KCNMB2: variants seen among roughly 807,000 people sequenced by gnomAD.
KCNMB2 encodes calcium-activated potassium channel subunit beta-2.
Under a neutral mutation model 24.5 loss-of-function variants are expected in KCNMB2, and 9 were observed. The observed-to-expected ratio is 0.37, with a 90% CI of 0.22 to 0.64. The LOEUF is 0.64. Ranked by LOEUF, KCNMB2 falls within the 30% of genes least tolerant of loss-of-function variation. KCNMB2 has a pLI of 0.63. For missense variants in KCNMB2, 226 were observed against 284.3 expected, an observed-to-expected ratio of 0.79 and a Z score of 1.47; for synonymous variants, 109 against 104.4, an observed-to-expected ratio of 1.04 and a Z score of -0.27.
chr3:178,700,632 C>A (rs925826914), intron 1 of KCNMB2, among the ~76,000 whole-genome samples: 1 of 152,162 alleles, frequency 6.6e-6, no homozygotes, highest in African/African-American at 2.4e-5. Flanking sequence ...TCCTCCCATG[C>A]CTAATATGAC....
At chr3:178,663,700 TA>T (rs1177445470) in intron 1 of KCNMB2, among the ~76,000 whole-genome samples, 1 of 152,116 alleles carries the variant, frequency 6.6e-6, no homozygotes, top group Admixed American at 6.6e-5. Flanking sequence ...ACCAATGCAT[TA>T]AAAGACAACA....
intron 1 of KCNMB2, among the ~76,000 whole-genome samples, chr3:178,624,435 T>C (rs911103376): frequency 2.6e-5 from 4 of 152,096 alleles, no homozygotes; most frequent in African/African-American, 9.7e-5. Context: ...AAATGTGTAA[T>C]GTTGCATAAA....
intron 1 of KCNMB2, among the ~76,000 whole-genome samples, chr3:178,752,144 C>T (rs4260410): frequency 0.31 from 47,743 of 151,994 alleles, 7,674 homozygotes; most frequent in African/African-American, 0.34. Context: ...GAATTATTTT[C>T]TAAAGTTCGA....
Position 178,752,482 on chromosome 3 carries a change from G to C in KCNMB2, c.-67-54861G>C, listed in dbSNP as rs1335890233. ...GAAATGGTGTCCAAGGAGCAGGTTG[G>C]GACCACATTGTGGAGTGAGTTTATG... On this transcript the variant is annotated intron_variant, in intron 1 of 4. Coordinates refer to ENST00000452583, the MANE Select transcript of KCNMB2 (RefSeq NM_181361.3). 2.0e-4 allele frequency among the ~76,000 whole-genome samples: 30 copies of C among 152,260 alleles called. 1 individual carries two copies. The highest frequency in any genetic ancestry group is 5.9e-5 in the Non-Finnish European group (4 of 68,010).
intron 1 of KCNMB2, among the ~76,000 whole-genome samples, chr3:178,735,534 G>A (rs951768529): frequency 2.0e-5 from 3 of 152,166 alleles, no homozygotes; most frequent in African/African-American, 7.2e-5. Context: ...TAAAACAACC[G>A]AGTTCAAGTT....
At chr3:178,640,472 A>G (rs1208853742) in intron 1 of KCNMB2, among the ~76,000 whole-genome samples, 1 of 152,198 alleles carries the variant, frequency 6.6e-6, no homozygotes, top group African/African-American at 2.4e-5. Context: ...ATCCGCCCCC[A>G]TGATCCAAAC....
At chr3:178,829,218 A>G (rs992854086) in intron 4 of KCNMB2, among the ~76,000 whole-genome samples, 2 of 152,154 alleles carry the variant, frequency 1.3e-5, no homozygotes, top group African/African-American at 4.8e-5. Flanking sequence ...TCATATGCCA[A>G]GACAACTCGA....
At chr3:178,639,118 T>G (rs956173382) in intron 1 of KCNMB2, among the ~76,000 whole-genome samples, 1 of 152,188 alleles carries the variant, frequency 6.6e-6, no homozygotes, top group Non-Finnish European at 1.5e-5. Context: ...CTTCAAATAT[T>G]GTTTGCTGCT....
chr3:178,601,217 G>T (rs2108507829), intron 1 of KCNMB2, among the ~76,000 whole-genome samples: 2 of 151,974 alleles, frequency 1.3e-5, no homozygotes, highest in East Asian at 1.9e-4. Context: ...GAAGGGGAGG[G>T]ATAGCATTAG....
chr3:178,549,874 GT>G (rs1715891028), intron 1 of KCNMB2, among the ~76,000 whole-genome samples: 1 of 151,994 alleles, frequency 6.6e-6, no homozygotes, highest in African/African-American at 2.4e-5. Flanking sequence ...ATTCTTTGTC[GT>G]TAATCAGAAT....
At chr3:178,716,115 C>A (rs1722610039) in intron 1 of KCNMB2, among the ~76,000 whole-genome samples, 1 of 152,234 alleles carries the variant, frequency 6.6e-6, no homozygotes. Context: ...TCTGAATTAA[C>A]AGAATTAGCA....
chr3:178,676,555 A>C (rs2108588983), intron 1 of KCNMB2, among the ~76,000 whole-genome samples: 1 of 152,260 alleles, frequency 6.6e-6, no homozygotes, highest in Admixed American at 6.5e-5. Flanking sequence ...CCTGGGTTTG[A>C]ATTTTACCAC....
At chr3:178,673,260 G>A (rs1292964703) in intron 1 of KCNMB2, among the ~76,000 whole-genome samples, 1 of 152,088 alleles carries the variant, frequency 6.6e-6, no homozygotes, top group Non-Finnish European at 1.5e-5. Flanking sequence ...ATACGACAAT[G>A]GAAGGAGTCT....
At chr3:178,770,021 A>C (rs182867656) in intron 1 of KCNMB2, among the ~76,000 whole-genome samples, 1 of 152,378 alleles carries the variant, frequency 6.6e-6, no homozygotes, top group East Asian at 1.9e-4. Context: ...GACAGTAAAA[A>C]GGAATACCAA....
chr3:178,729,423 G>A (rs888776672), intron 1 of KCNMB2: 9 of 152,132 alleles, frequency 5.9e-5, no homozygotes, highest in African/African-American at 1.9e-4. Context: ...AGCTAAGTAT[G>A]TCATTCATCC....
chr3:178,824,937 G>C (rs1026563356), intron 2 of KCNMB2, among the ~76,000 whole-genome samples: 1 of 152,094 alleles, frequency 6.6e-6, no homozygotes, highest in African/African-American at 2.4e-5. Context: ...CAAAGTTATA[G>C]GGCCTGGGCT....
chr3:178,716,160 A>G (rs940518185), intron 1 of KCNMB2, among the ~76,000 whole-genome samples: 1 of 151,162 alleles, frequency 6.6e-6, no homozygotes, highest in Admixed American at 6.6e-5. Flanking sequence ...ACCCGCTAAC[A>G]GTGAGTTTAG....
chr3:178,837,027 T>C (rs895392742), intron 4 of KCNMB2, among the ~76,000 whole-genome samples: 1 of 152,154 alleles, frequency 6.6e-6, no homozygotes, highest in Non-Finnish European at 1.5e-5. Flanking sequence ...CTCATGGCTA[T>C]CATTTGAGCC....
Position 178,842,925 on chromosome 3 carries a change from G to T in KCNMB2, c.696G>T (p.Arg232=). The T allele has an allele frequency of 6.2e-7, 1 of 1,600,080 alleles. No homozygotes were observed. Among genetic ancestry groups the T allele is most frequent in the Non-Finnish European group, 8.5e-7 (1 of 1,172,622 alleles). The change falls in exon 5 of 5, where the codon CGG becomes CGT. Residue 232 remains arginine, a synonymous_variant. Coordinates refer to ENST00000452583, the MANE Select transcript of KCNMB2 (RefSeq NM_181361.3). ...CCCTACTATGTGAGAGGATCCAACG[G>T]ATCAATAGATAAATGCAAAAATGGA... The part of the protein sequence containing the change: ...YLSLLCERIQ[R]INR
Sources: gnomAD v4.1 joint callset for allele counts (sites outside exome capture counted in the v4.1 genomes callset) on GRCh38, gnomAD v4.1.1 for gene constraint, MANE v1.5 for transcripts, NCBI Gene and HGNC (gene_info 2026-07-23, HGNC 2026-07-21) for gene names.